Variants in COL15A1 observed in about 807,000 individuals in gnomAD.
The protein encoded by COL15A1 is collagen alpha-1(XV) chain.
In COL15A1, 111 loss-of-function variants were observed where a neutral mutation model predicts 165.9. The observed-to-expected ratio is 0.67, with a 90% CI of 0.57 to 0.78. The LOEUF (loss-of-function observed/expected upper bound fraction) is 0.78. COL15A1 is among the 30% of genes least tolerant of loss of function. The probability of loss-of-function intolerance (pLI) is 0.00; values close to 1 mark genes in which losing one functional copy is unlikely to be tolerated. For synonymous variants in COL15A1, 659 were observed against 674.8 expected (o/e 0.98, Z 0.36); for missense variants, 1,745 against 1,789.7 (o/e 0.98, Z 0.45).
chr9:98,975,548 C>T (rs1273893098), intron 2 of COL15A1, among the ~76,000 whole-genome samples: 1 of 152,236 alleles, frequency 6.6e-6, no homozygotes, highest in African/African-American at 2.4e-5. Context: ...CTGTTTGTTT[C>T]TTCATGGCTG....
chr9:99,010,566 A>T (rs1438208811), intron 9 of COL15A1, among the ~76,000 whole-genome samples: 1 of 152,192 alleles, frequency 6.6e-6, no homozygotes, highest in Non-Finnish European at 1.5e-5. Context: ...TAGATGTTGC[A>T]GTAGATAACC....
chr9:98,971,116 A>G (rs753177467), intron 2 of COL15A1, among the ~76,000 whole-genome samples: 1 of 152,062 alleles, frequency 6.6e-6, no homozygotes, highest in African/African-American at 2.4e-5. Context: ...AGCCCTGGAA[A>G]ATACTGCTTG....
chr9:99,069,994 A>C lies in COL15A1; in HGVS notation c.*108A>C. Reference sequence around the variant, plus strand: ...GTAAATATTACAGTTTTTTTTTTTTACTACATATTCTTTACAACAGCAACC... The same window carrying C: ...GTAAATATTACAGTTTTTTTTTTTTCCTACATATTCTTTACAACAGCAACC... On this transcript the variant is annotated 3_prime_UTR_variant, in exon 42 of 42. Coordinates refer to ENST00000375001, the MANE Select transcript of COL15A1 (RefSeq NM_001855.5). 8.0e-6 allele frequency: 5 copies of C among 628,648 alleles called. 1 individual carries two copies. Among genetic ancestry groups the C allele is most frequent in the Non-Finnish European group, 1.3e-5 (5 of 387,456 alleles). 38.9% of individuals were successfully genotyped at this position (628,648 alleles called of 1,614,324 possible).
At chr9:99,014,250 G>A (rs1031272692) in intron 9 of COL15A1, among the ~76,000 whole-genome samples, 2 of 152,194 alleles carry the variant, frequency 1.3e-5, no homozygotes, top group Admixed American at 1.3e-4. Context: ...TAGGTCTTAG[G>A]CAGAAGATTG....
At chr9:99,011,416 A>AC (rs1428955135) in intron 9 of COL15A1, among the ~76,000 whole-genome samples, 2 of 145,614 alleles carry the variant, frequency 1.4e-5, no homozygotes, top group African/African-American at 5.1e-5. Context: ...GAAAAAAAAA[A>AC]AAAAAAAAGT....
At chr9:99,018,177 G>A (rs1179170206) in intron 11 of COL15A1, among the ~76,000 whole-genome samples, 1 of 152,170 alleles carries the variant, frequency 6.6e-6, no homozygotes, top group Non-Finnish European at 1.5e-5. Context: ...TGGCTATTTT[G>A]TTTTAAAATA....
intron 9 of COL15A1, among the ~76,000 whole-genome samples, chr9:99,009,395 A>G (rs1838812469): frequency 6.6e-6 from 1 of 152,234 alleles, no homozygotes; most frequent in African/African-American, 2.4e-5. Context: ...CATTTATGTA[A>G]ATATAATCCA....
chr9:99,008,140 G>T (rs1838793336), intron 9 of COL15A1, among the ~76,000 whole-genome samples: 1 of 151,860 alleles, frequency 6.6e-6, no homozygotes, highest in African/African-American at 2.4e-5. Flanking sequence ...AATTGACTTT[G>T]CTGGAGCTTT....
intron 9 of COL15A1, among the ~76,000 whole-genome samples, chr9:99,013,752 T>A (rs1425181912): frequency 6.6e-6 from 1 of 152,136 alleles, no homozygotes; most frequent in African/African-American, 2.4e-5. Context: ...AATCTGCTCA[T>A]GACTCTTGAA....
intron 34 of COL15A1, 149 bp from the exon 35 acceptor site, chr9:99,056,109 ACC>A: frequency 1.2e-6 from 1 of 830,812 alleles, no homozygotes; most frequent in Non-Finnish European, 2.0e-6. Flanking sequence ...TGGAGGCCTT[ACC>A]CCACCTTGAA....
chr9:98,982,131 T>A (rs12005080), intron 2 of COL15A1, among the ~76,000 whole-genome samples: 2 of 151,848 alleles, frequency 1.3e-5, no homozygotes, highest in East Asian at 3.9e-4. Flanking sequence ...ATGATATATA[T>A]AGAGAGAGAT....
intron 6 of COL15A1, among the ~76,000 whole-genome samples, chr9:98,998,376 AC>A (rs1838585921): frequency 6.6e-6 from 1 of 152,254 alleles, no homozygotes; most frequent in Non-Finnish European, 1.5e-5. Context: ...AGTATAGAGA[AC>A]TGGAGAGAAA....
chr9:99,044,781 G>A lies in COL15A1; in HGVS notation c.2679+11G>A, dbSNP rs1212154852. The A allele has an allele frequency of 3.7e-6, 6 of 1,611,854 alleles. No homozygotes were observed. The highest frequency in any genetic ancestry group is 1.1e-5 in the South Asian group (1 of 90,980). ...GCCCCAGGACCAATGGTAAGTCAGA[G>A]CGTCTCTCAGCTGGATCTGGGCTGG... On this transcript the variant is annotated intron_variant, in intron 26 of 41. Transcript: ENST00000375001.
At chr9:98,981,444 C>T (rs1026281355) in intron 2 of COL15A1, among the ~76,000 whole-genome samples, 2 of 151,686 alleles carry the variant, frequency 1.3e-5, no homozygotes, top group Non-Finnish European at 2.9e-5. Context: ...TCAACAAGAG[C>T]GAGACTCTGT....
intron 14 of COL15A1, among the ~76,000 whole-genome samples, chr9:99,023,938 T>C (rs570001530): frequency 3.3e-5 from 5 of 152,364 alleles, no homozygotes; most frequent in African/African-American, 1.2e-4. Flanking sequence ...TCTTTCTCTT[T>C]GGTGCCTCTT....
At chr9:99,034,260 C>A (rs377290478) in intron 16 of COL15A1, among the ~76,000 whole-genome samples, 1 of 152,188 alleles carries the variant, frequency 6.6e-6, no homozygotes, top group Non-Finnish European at 1.5e-5. Flanking sequence ...GCTCTCCAAG[C>A]GAAATCTTCT....
At chr9:98,996,865 T>A in intron 5 of COL15A1, 69 bp from the exon 6 acceptor site, 4 of 1,588,752 alleles carry the variant, frequency 2.5e-6, no homozygotes, top group Non-Finnish European at 3.4e-6. Flanking sequence ...TCTTCAGTGA[T>A]ATTCTCTGTC....
chr9:98,964,618 CA>C (rs1837925788), intron 2 of COL15A1, among the ~76,000 whole-genome samples: 1 of 152,254 alleles, frequency 6.6e-6, no homozygotes, highest in South Asian at 2.1e-4. Context: ...GTCCCCACCA[CA>C]GATTCAAATG....
chr9:98,995,399 G>C (rs974818198), intron 5 of COL15A1, among the ~76,000 whole-genome samples: 5 of 152,188 alleles, frequency 3.3e-5, no homozygotes, highest in African/African-American at 1.2e-4. Flanking sequence ...ACTGCCACCA[G>C]CGAGGACTCT....
Sources: allele counts gnomAD v4.1 joint callset (sites outside exome capture counted in the v4.1 genomes callset), GRCh38; gene constraint gnomAD v4.1.1; transcripts MANE v1.5; gene names NCBI Gene and HGNC (gene_info 2026-07-23, HGNC 2026-07-21).